Variants in CERCAM observed in about 807,000 individuals in gnomAD.
CERCAM encodes inactive glycosyltransferase 25 family member 3.
A neutral mutation model predicts 66.0 loss-of-function variants in CERCAM; 59 were observed. The ratio of observed to expected loss-of-function variants is 0.89; its 90% CI spans 0.73 to 1.11. The LOEUF (loss-of-function observed/expected upper bound fraction) is 1.11, where lower values mean the gene tolerates loss of function less well. Ranked by LOEUF, CERCAM falls within the 50% of genes most tolerant of loss-of-function variation. The probability of loss-of-function intolerance (pLI) is 0.00; values close to 1 mark genes in which losing one functional copy is unlikely to be tolerated. For synonymous variants in CERCAM, 318 were observed against 343.6 expected, an observed-to-expected ratio of 0.93 and a Z score of 0.83; for missense variants, 840 against 828.3, an observed-to-expected ratio of 1.01 and a Z score of -0.17.
At chr9:128,436,031 T>G in intron 12 of CERCAM, 126 bp downstream of exon 12, 5 of 1,079,750 alleles carry the variant, frequency 4.6e-6, no homozygotes, top group Non-Finnish European at 6.5e-6. Context: ...CATCTCTAGC[T>G]TTGCCTTTAT....
chr9:128,420,477 G>C (rs1450379094), upstream of CERCAM: 1 of 153,444 alleles, frequency 6.5e-6, no homozygotes, highest in East Asian at 1.9e-4. This position sits in a 1 kb window ranked among gnomAD's most constrained non-coding sequence, Gnocchi z 5.0. Flanking sequence ...TCGGCTGCGT[G>C]GGCCGGGGAA....
intron 5 of CERCAM, among the ~76,000 whole-genome samples, chr9:128,427,151 C>T (rs1013693375): frequency 3.9e-5 from 6 of 151,946 alleles, no homozygotes; most frequent in African/African-American, 1.2e-4. Context: ...TTTGTTCTGT[C>T]GCCTAGGCTG....
chr9:128,430,290 T>C (rs1444236953), intron 8 of CERCAM, among the ~76,000 whole-genome samples: 4 of 152,102 alleles, frequency 2.6e-5, no homozygotes, highest in Non-Finnish European at 4.4e-5. Flanking sequence ...TAATCTCAGC[T>C]ACTTGGGAGG....
chr9:128,432,999 G>T (rs921892127), intron 9 of CERCAM, among the ~76,000 whole-genome samples: 3 of 152,098 alleles, frequency 2.0e-5, no homozygotes, highest in South Asian at 2.1e-4. Flanking sequence ...CCCGGCGTTG[G>T]CCGGGCGCCG....
intron 5 of CERCAM, among the ~76,000 whole-genome samples, chr9:128,426,092 C>T (rs1409401970): frequency 6.6e-6 from 1 of 152,042 alleles, no homozygotes; most frequent in Non-Finnish European, 1.5e-5. Context: ...GCGTGAGCCA[C>T]CGCCCCCGGC....
chr9:128,424,584 A>G lies in CERCAM; in HGVS notation c.736A>G (p.Ile246Val), dbSNP rs1833795336. The G allele has an allele frequency of 1.9e-6, 3 of 1,614,036 alleles. No homozygotes were observed. The highest frequency in any genetic ancestry group is 1.3e-5 in the African/African-American group (1 of 74,932). Residue 246 changes from isoleucine (I) to valine (V), a missense_variant, in exon 5 of 13, where the codon ATC becomes GTC. Ile to Val is a conservative substitution (Grantham distance 29). Coordinates refer to ENST00000372838, the MANE Select transcript of CERCAM (RefSeq NM_016174.5). The stretch of plus-strand genomic sequence containing the variant: ...CTACACTTGGCCTTTCGACGACATC[A>G]TCGTCTTCGCCTATGCCTGCCAGGC... ...PNYTWPFDDI[I>V]VFAYACQAAG...
chr9:128,421,488 C>T, intron 1 of CERCAM: 1 of 993,202 alleles, frequency 1.0e-6, no homozygotes, highest in Non-Finnish European at 1.2e-6. Flanking sequence ...AGGGATCGAC[C>T]ACGCTGGAGG....
At chr9:128,425,180 C>T (rs1833814515) in intron 5 of CERCAM, among the ~76,000 whole-genome samples, 1 of 151,930 alleles carries the variant, frequency 6.6e-6, no homozygotes, top group Non-Finnish European at 1.5e-5. Flanking sequence ...CCTCAGCCTC[C>T]CGAGTAGCTG....
At chr9:128,429,479 T>C (rs986421766) in intron 8 of CERCAM, among the ~76,000 whole-genome samples, 1 of 152,148 alleles carries the variant, frequency 6.6e-6, no homozygotes, top group African/African-American at 2.4e-5. Flanking sequence ...GAGCTACTGA[T>C]GCGTGGGGAT....
At position 128,424,601 on chromosome 9, in the gene CERCAM, C is replaced by G; in HGVS notation, c.753C>G (p.Ala251=). Residue 251 remains alanine, a synonymous_variant, in exon 5 of 13, where the codon GCC becomes GCG. Transcript: ENST00000372838. ...ACGACATCATCGTCTTCGCCTATGCCTGCCAGGCTGCTGGTGAGGACCAGC... is the reference window on the plus strand; with the variant it reads ...ACGACATCATCGTCTTCGCCTATGCGTGCCAGGCTGCTGGTGAGGACCAGC... The part of the protein sequence containing the change: ...PFDDIIVFAY[A]CQAAGVSVHV... 1 of 1,614,042 alleles carries G rather than the reference C, an allele frequency of 6.2e-7. No homozygotes were observed. The highest frequency in any genetic ancestry group is 8.5e-7 in the Non-Finnish European group (1 of 1,179,980).
In CERCAM at chr9:128,434,596, G is replaced by C; in HGVS notation, c.1518G>C (p.Met506Ile). Residue 506 changes from methionine to isoleucine, a missense_variant, in exon 11 of 13, where the codon ATG (methionine) becomes ATC (isoleucine). Met to Ile is a conservative substitution (Grantham distance 10). Coordinates refer to ENST00000372838, the MANE Select transcript of CERCAM (RefSeq NM_016174.5). This position sits in a 1 kb window ranked among gnomAD's most constrained non-coding sequence, Gnocchi z 4.5. ...MLPVDEFLPIMFDQHPNEQYK... is the reference protein window; with the variant it reads ...MLPVDEFLPIIFDQHPNEQYK... ...CCGTGGACGAGTTCCTGCCCATCAT[G>C]TTCGACCAGCACCCCAAGTGAGGCT... 1 of 1,607,802 alleles carries C rather than the reference G, an allele frequency of 6.2e-7. No individual in the cohort carries two copies. Among genetic ancestry groups the C allele is most frequent in the Non-Finnish European group, 8.5e-7 (1 of 1,179,746 alleles).
chr9:128,423,138 C>G lies in CERCAM; in HGVS notation c.309-8C>G. 6.2e-7 allele frequency: 1 copy of G among 1,613,510 alleles called. No individual in the cohort carries two copies. The highest frequency in any genetic ancestry group is 8.5e-7 in the Non-Finnish European group (1 of 1,179,506). ...CCCCATGGGAACATCTCACCTCTAT[C>G]CCCTCAGGTTCTACCCAGATGAAGA... On this transcript the variant is annotated splice_region_variant and splice_polypyrimidine_tract_variant and intron_variant, in intron 2 of 12. Transcript: ENST00000372838.
chr9:128,432,023 T>G (rs1833987798), intron 9 of CERCAM: 1 of 152,412 alleles, frequency 6.6e-6, no homozygotes, highest in African/African-American at 2.4e-5. Flanking sequence ...CATTATGGGT[T>G]TTTGTTTTGT....
In CERCAM at chr9:128,424,483, T is replaced by C; in HGVS notation, c.635T>C (p.Met212Thr). The C allele has an allele frequency of 1.9e-6, 3 of 1,613,950 alleles. No individual in the cohort carries two copies. Among genetic ancestry groups the C allele is most frequent in the Non-Finnish European group, 2.5e-6 (3 of 1,179,970 alleles). The change falls in exon 5 of 13, where the codon ATG (methionine) becomes ACG (threonine). Residue 212 changes from methionine to threonine, a missense_variant. Coordinates refer to ENST00000372838, the MANE Select transcript of CERCAM (RefSeq NM_016174.5). The stretch of plus-strand genomic sequence containing the variant: ...CGCCGGGGCTGCTTCCGTGTCCCCA[T>C]GGTCCACTCCACCTTCCTTGCATCC... ...RQRRGCFRVP[M>T]VHSTFLASLR...
In CERCAM at chr9:128,431,306, G is replaced by T; in HGVS notation, c.1203+3G>T. 1 of 1,613,948 alleles carries T rather than the reference G, an allele frequency of 6.2e-7. No homozygotes were observed. Among genetic ancestry groups the T allele is most frequent in the East Asian group, 2.2e-5 (1 of 44,876 alleles). ...GCCATTACTCCATCTGGGAAGAGGT[G>T]AGGGTGCCTGCTTCCTCCATCCACA... On this transcript the variant is annotated splice_donor_region_variant and intron_variant, in intron 9 of 12. Transcript: ENST00000372838.
At chr9:128,420,817 C>A, upstream of CERCAM, 3 of 829,814 alleles carry the variant, frequency 3.6e-6, no homozygotes, top group Non-Finnish European at 4.7e-6. The surrounding 1 kb of genome is among the most constrained non-coding windows in gnomAD (Gnocchi z 5.0). Flanking sequence ...CCAGGCCCCG[C>A]CCCCTCCCCT....
intron 1 of CERCAM, chr9:128,421,703 G>A (rs998194817): frequency 2.4e-4 from 45 of 187,412 alleles, no homozygotes; most frequent in African/African-American, 1.0e-3. Context: ...CACTGGGATC[G>A]AAGGCCACAA....
In CERCAM at chr9:128,424,186, C is replaced by A; in HGVS notation, c.475C>A (p.Leu159Ile). 1.9e-6 allele frequency: 3 copies of A among 1,614,208 alleles called. No homozygotes were observed. Among genetic ancestry groups the A allele is most frequent in the Non-Finnish European group, 1.7e-6 (2 of 1,180,046 alleles). Residue 159 changes from leucine to isoleucine, a missense_variant, in exon 4 of 13, where the codon CTC becomes ATC. By Grantham distance (5) the Leu-to-Ile change is conservative. Transcript: ENST00000372838. ...ILTNNQTLRL[L>I]MGQGLPVVAP... ...GACCAACAATCAGACTCTGCGGCTT[C>A]TCATGGGGCAGGGGCTTCCAGTGGT...
chr9:128,435,943 C>G (rs1296627431), intron 12 of CERCAM, 38 bp downstream of exon 12: 2 of 1,553,806 alleles, frequency 1.3e-6, no homozygotes, highest in Non-Finnish European at 8.7e-7. Flanking sequence ...GCCCCGTAGA[C>G]CTTGGCTTGC....
Sources: gnomAD v4.1 joint callset for allele counts (sites outside exome capture counted in the v4.1 genomes callset) on GRCh38, gnomAD v4.1.1 for gene constraint, Gnocchi (gnomAD v3.1) non-coding constraint, MANE v1.5 for transcripts, NCBI Gene and HGNC (gene_info 2026-07-23, HGNC 2026-07-21) for gene names.